The following CHD6 variants were observed in gnomAD, a reference collection of about 807,000 sequenced individuals.
The protein encoded by CHD6 is chromodomain helicase DNA binding protein 6.
A neutral mutation model predicts 276.9 loss-of-function variants in CHD6; 50 were observed. That is an observed-to-expected ratio of 0.18 (90% CI 0.14 to 0.23). CHD6 has a LOEUF of 0.23. Ranked by LOEUF, CHD6 falls within the 10% of genes least tolerant of loss-of-function variation. The pLI, the probability that CHD6 is intolerant of heterozygous loss-of-function variation, is 1.00. For missense variants in CHD6, 2,564 were observed against 3,365.8 expected, an observed-to-expected ratio of 0.76 and a Z score of 5.89; for synonymous variants, 1,173 against 1,229.3, an observed-to-expected ratio of 0.95 and a Z score of 0.96.
At chr20:41,483,556 A>G (rs976527054) in intron 15 of CHD6, 37 bp from the exon 16 acceptor site, 7 of 1,461,020 alleles carry the variant, frequency 4.8e-6, no homozygotes, top group Non-Finnish European at 5.6e-6. Context: ...CCTCGGACAG[A>G]ATATAAGGAT....
intron 1 of CHD6, among the ~76,000 whole-genome samples, chr20:41,578,526 A>T (rs182564294): frequency 2.8e-3 from 427 of 152,188 alleles, no homozygotes; most frequent in Middle Eastern, 6.8e-3. Flanking sequence ...TTAAGTTCAA[A>T]CCAATTAGCT....
Position 41,585,458 on chromosome 20 carries a change from A to G in CHD6, c.-24+32882T>C, listed in dbSNP as rs112405120. ...TGAGCCAAGAGGTTGCAGTGAGCCAAGATCGCACCATTGCACTCCAGCCTT... is the reference window on the plus strand; with the variant it reads ...TGAGCCAAGAGGTTGCAGTGAGCCAGGATCGCACCATTGCACTCCAGCCTT... On this transcript the variant is annotated intron_variant, in intron 1 of 36. Transcript: ENST00000373233. 7.4e-3 allele frequency among the ~76,000 whole-genome samples: 1,121 copies of G among 151,420 alleles called. 18 individuals are homozygous for G. Among genetic ancestry groups the G allele is most frequent in the African/African-American group, 0.026 (1,058 of 41,196 alleles).
In CHD6 at chr20:41,473,616, C is replaced by G; in HGVS notation, c.2469-99G>C. The G allele has an allele frequency of 1.0e-6, 1 of 953,168 alleles. No homozygotes were observed. The highest frequency in any genetic ancestry group is 1.6e-5 in the South Asian group (1 of 63,650). The allele number at this position is 953,168 out of a possible 1,614,324, so 59.0% of individuals were successfully genotyped here. On this transcript the variant is annotated intron_variant, in intron 16 of 36. Transcript: ENST00000373233. The surrounding 1 kb of genome is among the most constrained non-coding windows in gnomAD (Gnocchi z 4.1). Reference sequence around the variant, plus strand: ...AGCTGTCGACTGATGGCCTTAAATCCCTCACTTCTAAATTTGGACCAAATG... The same window carrying G: ...AGCTGTCGACTGATGGCCTTAAATCGCTCACTTCTAAATTTGGACCAAATG...
rs190648493 is a variant in CHD6, at chr20:41,412,517, G to A, written c.7132-254C>T. On this transcript the variant is annotated intron_variant, in intron 35 of 36. Transcript: ENST00000373233. ...CCCTCCAGACTAGAACACCTGAGCC[G>A]ATTCACCAGGCTGCCAGGGCCCTGT... Among the ~76,000 whole-genome samples the A allele has an allele frequency of 4.6e-4, 70 of 152,296 alleles. 1 individual carries two copies. The highest frequency in any genetic ancestry group is 1.7e-3 in the African/African-American group (69 of 41,554).
Position 41,452,780 on chromosome 20 carries a change from C to T in CHD6, c.3283G>A (p.Ala1095Thr). 2 of 1,613,442 alleles carry T rather than the reference C, an allele frequency of 1.2e-6. No homozygotes were observed. The highest frequency in any genetic ancestry group is 1.7e-6 in the Non-Finnish European group (2 of 1,179,898). ...LNDKARRYLR[A>T]ECFRVEKNLL... is the part of the protein sequence containing the mutation. ...TTCTTCTCTACCCGGAAGCACTCCG[C>T]TCGGAGGTAGCGCCTGGCTTTGTCA... The change falls in exon 21 of 37, where the codon GCG becomes ACG. Residue 1095 changes from alanine (A) to threonine (T), a missense_variant. Around this residue, in one of 7 missense-constraint regions of CHD6, gnomAD observed 515 missense variants for 739.5 expected, o/e 0.70. Transcript: ENST00000373233. The surrounding 1 kb of genome is among the most constrained non-coding windows in gnomAD (Gnocchi z 4.2).
At chr20:41,418,156 G>C (rs774177453) in intron 31 of CHD6, among the ~76,000 whole-genome samples, 22 of 152,174 alleles carry the variant, frequency 1.4e-4, no homozygotes, top group Non-Finnish European at 1.6e-4. Context: ...TGCTAGGCCT[G>C]GTAGACTCAG....
chr20:41,558,054 C>A (rs2045259895), intron 1 of CHD6, among the ~76,000 whole-genome samples: 1 of 152,150 alleles, frequency 6.6e-6, no homozygotes, highest in African/African-American at 2.4e-5. Context: ...TTGAGGAATG[C>A]CACCTTCCTT....
At position 41,539,254 on chromosome 20, in the gene CHD6, T is replaced by A. The variant is rs2044894084; in HGVS notation, c.34-5684A>T. On this transcript the variant is annotated intron_variant, in intron 2 of 36. Coordinates refer to ENST00000373233, the MANE Select transcript of CHD6 (RefSeq NM_032221.5). The stretch of plus-strand genomic sequence containing the variant: ...GTGTGCTGCTCTCTTCTCTCTAGGA[T>A]CTGCAAGTAATAAAACTGCTTCTGT... 2.0e-5 allele frequency among the ~76,000 whole-genome samples: 3 copies of A among 152,210 alleles called. No individual in the cohort carries two copies. In the South Asian group the frequency reaches 6.2e-4, roughly 31 times the overall value.
chr20:41,472,931 A>T (rs1004453093), intron 17 of CHD6: 6 of 165,598 alleles, frequency 3.6e-5, no homozygotes, highest in African/African-American at 1.4e-4. Flanking sequence ...CTCTGGGTTA[A>T]CTCGTTTACT....
chr20:41,459,164 G>A (rs2145704692), intron 17 of CHD6, among the ~76,000 whole-genome samples: 1 of 152,236 alleles, frequency 6.6e-6, no homozygotes, highest in Non-Finnish European at 1.5e-5. Context: ...CCTGGATATG[G>A]AAGCCCCCAC....
At chr20:41,566,961 C>T (rs868535196) in intron 1 of CHD6, among the ~76,000 whole-genome samples, 5 of 152,132 alleles carry the variant, frequency 3.3e-5, no homozygotes, top group African/African-American at 4.8e-5. Flanking sequence ...ACCAAGGACA[C>T]CTGGTTAGTT....
At chr20:41,572,736 C>A (rs1481823550) in intron 1 of CHD6, among the ~76,000 whole-genome samples, 6 of 152,212 alleles carry the variant, frequency 3.9e-5, no homozygotes, top group Admixed American at 6.5e-5. Flanking sequence ...AAGCAGGGAA[C>A]TCCTCTGCCA....
chr20:41,408,014 AAT>A (rs2046730865), intron 36 of CHD6, among the ~76,000 whole-genome samples: 1 of 152,136 alleles, frequency 6.6e-6, no homozygotes, highest in Admixed American at 6.5e-5. Flanking sequence ...AGTCCCCAGA[AAT>A]ATTTTTTGAA....
At chr20:41,450,448 T>C (rs2048201564) in intron 23 of CHD6, among the ~76,000 whole-genome samples, 1 of 152,154 alleles carries the variant, frequency 6.6e-6, no homozygotes, top group African/African-American at 2.4e-5. Flanking sequence ...AAAGTTTTGT[T>C]TTTCAATCAG....
At chr20:41,428,791 C>A (rs1430410299) in intron 27 of CHD6, among the ~76,000 whole-genome samples, 1 of 152,192 alleles carries the variant, frequency 6.6e-6, no homozygotes, top group African/African-American at 2.4e-5. Context: ...CTTGTGTCCC[C>A]TGGCTGTATG....
At chr20:41,528,886 G>GA (rs2044611000) in intron 3 of CHD6, among the ~76,000 whole-genome samples, 1 of 152,138 alleles carries the variant, frequency 6.6e-6, no homozygotes, top group African/African-American at 2.4e-5. Flanking sequence ...ACAAACAAAG[G>GA]AAAAAGTTGA....
chr20:41,477,504 T>TA (rs2043193775), intron 16 of CHD6, among the ~76,000 whole-genome samples: 1 of 152,080 alleles, frequency 6.6e-6, no homozygotes, highest in Non-Finnish European at 1.5e-5. Flanking sequence ...ACAGAAGGGC[T>TA]AAAGACTTAA....
At chr20:41,483,276 T>C (rs535075831) in intron 16 of CHD6, 33 bp downstream of exon 16, 1 of 1,554,162 alleles carries the variant, frequency 6.4e-7, no homozygotes, top group South Asian at 1.2e-5. Flanking sequence ...AACTGTCCCA[T>C]TGTTGAATGC....
intron 1 of CHD6, among the ~76,000 whole-genome samples, chr20:41,581,316 C>A (rs1031799888): frequency 1.3e-5 from 2 of 152,144 alleles, no homozygotes; most frequent in Admixed American, 1.3e-4. Flanking sequence ...GGATTCAAAT[C>A]CAGGCAGTCT....
Sources: allele counts gnomAD v4.1 joint callset (sites outside exome capture counted in the v4.1 genomes callset), GRCh38; gene constraint gnomAD v4.1.1; regional missense constraint gnomAD v4.1.1; non-coding constraint Gnocchi (gnomAD v3.1); transcripts MANE v1.5; gene names NCBI Gene and HGNC (gene_info 2026-07-23, HGNC 2026-07-21).